Variants in BCAS3 observed in about 807,000 individuals in gnomAD.
The protein encoded by BCAS3 is BCAS4/BCAS3 fusion.
BCAS3 carries 53 observed loss-of-function variants against 116.1 expected under a neutral mutation model. The ratio of observed to expected loss-of-function variants is 0.46; its 90% CI spans 0.37 to 0.57. BCAS3 has a LOEUF of 0.57. Ranked by LOEUF, BCAS3 falls within the 20% of genes least tolerant of loss-of-function variation. The probability of loss-of-function intolerance (pLI) is 0.00; values close to 1 mark genes in which losing one functional copy is unlikely to be tolerated. For synonymous variants in BCAS3, 391 were observed against 408.2 expected, an observed-to-expected ratio of 0.96 and a Z score of 0.51; for missense variants, 917 against 1,165.4, an observed-to-expected ratio of 0.79 and a Z score of 3.10.
At chr17:60,741,339 G>A (rs2041530020) in intron 5 of BCAS3, among the ~76,000 whole-genome samples, 2 of 152,314 alleles carry the variant, frequency 1.3e-5, no homozygotes, top group African/African-American at 2.4e-5. Flanking sequence ...TTTCAGCTTC[G>A]AAGGACATTG....
chr17:61,058,620 C>A (rs1414109315), intron 19 of BCAS3, among the ~76,000 whole-genome samples: 1 of 152,138 alleles, frequency 6.6e-6, no homozygotes, highest in Non-Finnish European at 1.5e-5. Flanking sequence ...TGTAAAGTAG[C>A]ACTTTGATTG....
chr17:61,264,491 C>A lies in BCAS3; in HGVS notation c.2426-103836C>A, dbSNP rs142642018. On this transcript the variant is annotated intron_variant, in intron 22 of 23. Coordinates refer to ENST00000407086, the MANE Select transcript of BCAS3 (RefSeq NM_017679.5). Reference sequence around the variant, plus strand: ...TAGCATGATATTGGCTAACTGCAACCTCTGCCTCCTGGTGCAAGTGATTCT... The same window carrying A: ...TAGCATGATATTGGCTAACTGCAACATCTGCCTCCTGGTGCAAGTGATTCT... 2.6e-3 allele frequency among the ~76,000 whole-genome samples: 394 copies of A among 151,828 alleles called. 2 individuals carry two copies. Among genetic ancestry groups the A allele is most frequent in the African/African-American group, 8.9e-3 (368 of 41,376 alleles).
At chr17:60,765,279 C>T (rs537234860) in intron 6 of BCAS3, among the ~76,000 whole-genome samples, 1 of 152,254 alleles carries the variant, frequency 6.6e-6, no homozygotes, top group South Asian at 2.1e-4. Flanking sequence ...CCATTTCTTC[C>T]TAGCATTGGC....
At chr17:61,003,030 C>T (rs187694499) in intron 15 of BCAS3, among the ~76,000 whole-genome samples, 4 of 151,822 alleles carry the variant, frequency 2.6e-5, no homozygotes, top group Non-Finnish European at 5.9e-5. Context: ...TCCCCACTCT[C>T]GGGTGTCATT....
chr17:61,252,768 A>G (rs1174305576), intron 22 of BCAS3, among the ~76,000 whole-genome samples: 1 of 152,074 alleles, frequency 6.6e-6, no homozygotes, highest in Non-Finnish European at 1.5e-5. Context: ...TGGAATCCAT[A>G]TCTGTCAGCT....
At chr17:60,998,129 G>A (rs918341780) in intron 15 of BCAS3, among the ~76,000 whole-genome samples, 1 of 152,120 alleles carries the variant, frequency 6.6e-6, no homozygotes, top group African/African-American at 2.4e-5. Context: ...AATTTACTTA[G>A]GATAACGACC....
intron 6 of BCAS3, among the ~76,000 whole-genome samples, chr17:60,753,362 TTTG>T (rs1231908164): frequency 4.0e-5 from 6 of 150,534 alleles, no homozygotes; most frequent in East Asian, 3.9e-4. Context: ...AAAATTTTAT[TTTG>T]TTGTTATTTG....
intron 4 of BCAS3, among the ~76,000 whole-genome samples, chr17:60,702,747 G>A (rs73332391): frequency 0.07 from 10,647 of 151,964 alleles, 1,245 homozygotes; most frequent in African/African-American, 0.24. Context: ...GTGCCACAGC[G>A]CCTGGCTAAT....
intron 6 of BCAS3, among the ~76,000 whole-genome samples, chr17:60,780,689 G>A (rs781186390): frequency 1.3e-5 from 2 of 152,138 alleles, no homozygotes; most frequent in Non-Finnish European, 2.9e-5. Flanking sequence ...CTCTTGATAC[G>A]AATTTTTGAT....
chr17:61,080,061 C>G (rs1047072697), intron 21 of BCAS3, among the ~76,000 whole-genome samples: 1 of 151,112 alleles, frequency 6.6e-6, no homozygotes, highest in Non-Finnish European at 1.5e-5. Flanking sequence ...TGTGGCACCA[C>G]GCCTCCCTAG....
intron 12 of BCAS3, among the ~76,000 whole-genome samples, chr17:60,911,123 C>CTTTTTTT (rs1162942971): frequency 0.49 from 43,084 of 87,380 alleles, 13,649 homozygotes; most frequent in South Asian, 0.78. Context: ...TTTTTTCTTT[C>CTTTTTTT]TTTTTTTTTT....
In BCAS3 at chr17:61,144,671, G is replaced by A. The variant is rs1047763605; in HGVS notation, c.2425+60107G>A. 1.3e-5 allele frequency among the ~76,000 whole-genome samples: 2 copies of A among 152,160 alleles called. No individual in the cohort carries two copies. The highest frequency in any genetic ancestry group is 2.9e-5 in the Non-Finnish European group (2 of 68,034). On this transcript the variant is annotated intron_variant, in intron 22 of 23. Coordinates refer to ENST00000407086, the MANE Select transcript of BCAS3 (RefSeq NM_017679.5). The surrounding 1 kb of genome is among the most constrained non-coding windows in gnomAD (Gnocchi z 5.0). Reference sequence around the variant, plus strand: ...TTTAACAATACAATATTTCTCTCGTGTTCTTGAGCATGTATTTAAGTTAGC... The same window carrying A: ...TTTAACAATACAATATTTCTCTCGTATTCTTGAGCATGTATTTAAGTTAGC...
Position 61,356,103 on chromosome 17 carries a change from T to C in BCAS3, c.2426-12224T>C, listed in dbSNP as rs1672394327. On this transcript the variant is annotated intron_variant, in intron 22 of 23. Coordinates refer to ENST00000407086, the MANE Select transcript of BCAS3 (RefSeq NM_017679.5). This position sits in a 1 kb window ranked among gnomAD's most constrained non-coding sequence, Gnocchi z 5.4. Reference sequence around the variant, plus strand: ...TCCGCCTCCCGGGTTCAAGTGATTCTCCTGCCTCAGCCTCCCGAGTAGCTG... The same window carrying C: ...TCCGCCTCCCGGGTTCAAGTGATTCCCCTGCCTCAGCCTCCCGAGTAGCTG... 6.6e-6 allele frequency among the ~76,000 whole-genome samples: 1 copy of C among 152,210 alleles called. No homozygotes were observed. The highest frequency in any genetic ancestry group is 2.4e-5 in the African/African-American group (1 of 41,452).
chr17:61,263,699 T>A (rs1159306209), intron 22 of BCAS3, among the ~76,000 whole-genome samples: 1 of 152,216 alleles, frequency 6.6e-6, no homozygotes, highest in Non-Finnish European at 1.5e-5. Flanking sequence ...TTATTTAAAA[T>A]CTCAATTTCT....
Position 61,028,471 on chromosome 17 carries a change from G to C in BCAS3, c.1638-6195G>C, listed in dbSNP as rs563705591. The stretch of plus-strand genomic sequence containing the variant: ...ATTTTAAATGCCACATTCAACATAT[G>C]ACAAAATTTCTTTGTAAACTTAGAA... On this transcript the variant is annotated intron_variant, in intron 16 of 23. Transcript: ENST00000407086. The surrounding 1 kb of genome is among the most constrained non-coding windows in gnomAD (Gnocchi z 4.3). 1.3e-5 allele frequency among the ~76,000 whole-genome samples: 2 copies of C among 151,826 alleles called. No individual in the cohort carries two copies. Among genetic ancestry groups the C allele is most frequent in the African/African-American group, 4.8e-5 (2 of 41,426 alleles).
intron 19 of BCAS3, among the ~76,000 whole-genome samples, chr17:61,067,440 T>C (rs996798478): frequency 2.0e-5 from 3 of 150,386 alleles, no homozygotes; most frequent in African/African-American, 7.3e-5. Context: ...ATAAATAGGC[T>C]GAACACAGTG....
chr17:61,196,968 G>C lies in BCAS3; in HGVS notation c.2425+112404G>C, dbSNP rs374522187. Among the ~76,000 whole-genome samples the C allele has an allele frequency of 2.0e-5, 3 of 152,148 alleles. No individual in the cohort carries two copies. Among genetic ancestry groups the C allele is most frequent in the East Asian group, 3.8e-4 (2 of 5,198 alleles). ...AGAGAAGATAATAATTGTGGTGTTGGCTCACTCCCAGAATTTTATCCAAGG... is the reference window on the plus strand; with the variant it reads ...AGAGAAGATAATAATTGTGGTGTTGCCTCACTCCCAGAATTTTATCCAAGG... On this transcript the variant is annotated intron_variant, in intron 22 of 23. Transcript: ENST00000407086. This position sits in a 1 kb window ranked among gnomAD's most constrained non-coding sequence, Gnocchi z 4.7.
chr17:60,686,250 C>A (rs2034029409), intron 3 of BCAS3, among the ~76,000 whole-genome samples: 1 of 152,080 alleles, frequency 6.6e-6, no homozygotes, highest in African/African-American at 2.4e-5. Flanking sequence ...AATTCAGAGT[C>A]CTGCGTTGGT....
intron 3 of BCAS3, among the ~76,000 whole-genome samples, chr17:60,686,521 ATTTATTTAATTTTTTTTTT>A (rs2034072301): frequency 1.3e-5 from 2 of 151,732 alleles, no homozygotes; most frequent in African/African-American, 4.8e-5. Context: ...ATGAAAATTT[ATTTATTTAATTTTTTTTTT>A]TTGAGATGGA....
Sources: gnomAD v4.1 joint callset for allele counts (sites outside exome capture counted in the v4.1 genomes callset) on GRCh38, gnomAD v4.1.1 for gene constraint, Gnocchi (gnomAD v3.1) non-coding constraint, MANE v1.5 for transcripts, NCBI Gene and HGNC (gene_info 2026-07-23, HGNC 2026-07-21) for gene names.